The following CA10 variants were observed in gnomAD, a reference collection of about 807,000 sequenced individuals.
CA10 encodes carbonic anhydrase-related protein 10.
CA10 carries 14 observed loss-of-function variants against 44.2 expected under a neutral mutation model. That is an observed-to-expected ratio of 0.32 (90% CI 0.21 to 0.50). CA10 has a LOEUF of 0.50. CA10 is among the 20% of genes least tolerant of loss of function. The pLI, the probability that CA10 is intolerant of heterozygous loss-of-function variation, is 0.99. For missense variants in CA10, 350 were observed against 409.7 expected (o/e 0.85, Z 1.26); for synonymous variants, 159 against 141.6 (o/e 1.12, Z -0.87).
intron 1 of CA10, among the ~76,000 whole-genome samples, chr17:52,150,700 T>A (rs1174533249): frequency 1.3e-5 from 2 of 152,198 alleles, no homozygotes; most frequent in Non-Finnish European, 2.9e-5. Flanking sequence ...TTTGTAGTAC[T>A]TTGAGCATCT....
intron 3 of CA10, among the ~76,000 whole-genome samples, chr17:51,753,405 T>C (rs1904958612): frequency 6.6e-6 from 1 of 152,222 alleles, no homozygotes; most frequent in Non-Finnish European, 1.5e-5. Context: ...CTCTAATAAA[T>C]GGGGTCATCT....
chr17:52,021,516 C>T (rs1986138821), intron 2 of CA10, among the ~76,000 whole-genome samples: 1 of 152,066 alleles, frequency 6.6e-6, no homozygotes, highest in African/African-American at 2.4e-5. Context: ...GAGATGATAT[C>T]TCATTGTAAC....
At chr17:52,004,803 T>C (rs1381546899) in intron 2 of CA10, among the ~76,000 whole-genome samples, 2 of 151,766 alleles carry the variant, frequency 1.3e-5, no homozygotes, top group African/African-American at 2.4e-5. Flanking sequence ...AAACGCAAAA[T>C]GAAAATAAGA....
chr17:51,717,758 C>CAT lies in CA10; in HGVS notation c.465+29874_465+29875insAT, dbSNP rs1461861805. The stretch of plus-strand genomic sequence containing the variant: ...ATACGTATATATACATGTATATATA[C>CAT]GTATATATGTATACATATATGCATG... On this transcript the variant is annotated intron_variant, in intron 4 of 8. Transcript: ENST00000451037. Among the ~76,000 whole-genome samples the CAT allele has an allele frequency of 1.4e-3, 26 of 18,418 alleles. 4 individuals are homozygous for CAT. The highest frequency in any genetic ancestry group is 3.2e-3 in the African/African-American group (16 of 4,940). 12.1% of individuals were successfully genotyped at this position (18,418 alleles called of 152,430 possible). A position where few individuals can be genotyped will look rare whatever the true frequency, so the allele number is the denominator to read the frequency against.
At chr17:51,718,153 C>G (rs1916232410) in intron 4 of CA10, among the ~76,000 whole-genome samples, 1 of 151,030 alleles carries the variant, frequency 6.6e-6, no homozygotes, top group South Asian at 2.1e-4. Context: ...CAAAATCTCA[C>G]AAATCACCAC....
intron 2 of CA10, among the ~76,000 whole-genome samples, chr17:52,017,427 A>G (rs1986002948): frequency 6.6e-6 from 1 of 152,136 alleles, no homozygotes; most frequent in Non-Finnish European, 1.5e-5. Context: ...GATCTGGAAT[A>G]AAGTTTACCC....
At chr17:51,678,155 T>C (rs1649428602) in intron 4 of CA10, among the ~76,000 whole-genome samples, 1 of 152,132 alleles carries the variant, frequency 6.6e-6, no homozygotes, top group Admixed American at 6.6e-5. Flanking sequence ...TATTGTATAA[T>C]AATATGTAAA....
chr17:51,679,110 A>G (rs977448585), intron 4 of CA10, among the ~76,000 whole-genome samples: 1 of 152,200 alleles, frequency 6.6e-6, no homozygotes, highest in Non-Finnish European at 1.5e-5. Flanking sequence ...GGACACAAAC[A>G]AGTATACAGT....
chr17:52,142,210 A>G (rs776641392), intron 1 of CA10, among the ~76,000 whole-genome samples: 7 of 152,228 alleles, frequency 4.6e-5, no homozygotes, highest in Admixed American at 3.3e-4. Context: ...TCTATGGCAC[A>G]TCATGGAAGA....
intron 4 of CA10, among the ~76,000 whole-genome samples, chr17:51,687,210 T>C (rs1243108018): frequency 6.6e-6 from 1 of 152,204 alleles, no homozygotes; most frequent in Non-Finnish European, 1.5e-5. Context: ...TTTTGCACCA[T>C]TTCATTTGTG....
At chr17:52,079,445 C>T (rs974656054) in intron 1 of CA10, among the ~76,000 whole-genome samples, 1 of 142,760 alleles carries the variant, frequency 7.0e-6, no homozygotes, top group East Asian at 2.0e-4. Flanking sequence ...GGGGACAGAG[C>T]GAGACTCCGT....
chr17:51,670,936 T>C (rs188997453), intron 4 of CA10, among the ~76,000 whole-genome samples: 44 of 152,306 alleles, frequency 2.9e-4, no homozygotes, highest in African/African-American at 1.1e-3. Flanking sequence ...CTAAGTTATC[T>C]GGCCTCTAAT....
intron 2 of CA10, among the ~76,000 whole-genome samples, chr17:52,018,456 T>C (rs1252276955): frequency 6.6e-6 from 1 of 152,138 alleles, no homozygotes; most frequent in Non-Finnish European, 1.5e-5. Context: ...AAGGAGATTA[T>C]GGTGGAGATT....
rs1360179412 is a variant in CA10, at chr17:52,108,179, TTATATATATATTTTTTATATA to T, written c.62-35807_62-35787del. ...GTATATATATATTTTTAATATATTT[TTATATATATATTTTTTATATA>T]TATATATATATATATATATATATAT... On this transcript the variant is annotated intron_variant, in intron 1 of 8. Coordinates refer to ENST00000451037, the MANE Select transcript of CA10 (RefSeq NM_020178.5). Among the ~76,000 whole-genome samples the T allele has an allele frequency of 2.2e-5, 3 of 134,880 alleles. No homozygotes were observed. In the South Asian group the frequency reaches 6.7e-4, roughly 30 times the overall value. 88.5% of individuals were successfully genotyped at this position (134,880 alleles called of 152,430 possible). A position where few individuals can be genotyped will look rare whatever the true frequency, so the allele number is the denominator to read the frequency against.
intron 1 of CA10, among the ~76,000 whole-genome samples, chr17:52,121,445 G>A (rs948638167): frequency 6.6e-6 from 1 of 152,118 alleles, no homozygotes; most frequent in African/African-American, 2.4e-5. Context: ...GCAAACTAAA[G>A]CCTAATACTT....
At chr17:52,066,307 T>A (rs1239332675) in intron 2 of CA10, among the ~76,000 whole-genome samples, 9 of 152,158 alleles carry the variant, frequency 5.9e-5, no homozygotes, top group Non-Finnish European at 1.3e-4. Flanking sequence ...TGAATGGCTT[T>A]GATCAAAATA....
chr17:51,964,640 T>C (rs867791574), intron 2 of CA10, among the ~76,000 whole-genome samples: 9 of 151,164 alleles, frequency 6.0e-5, no homozygotes, highest in African/African-American at 2.2e-4. Flanking sequence ...CATGGAAATA[T>C]AACAACTTGC....
intron 3 of CA10, among the ~76,000 whole-genome samples, chr17:51,839,990 TA>T (rs1567857485): frequency 6.6e-6 from 1 of 152,210 alleles, no homozygotes; most frequent in East Asian, 1.9e-4. Flanking sequence ...CTTTTACAGA[TA>T]AAAACTCGGG....
chr17:51,674,622 T>C (rs1914548356), intron 4 of CA10, among the ~76,000 whole-genome samples: 1 of 152,240 alleles, frequency 6.6e-6, no homozygotes, highest in Non-Finnish European at 1.5e-5. Context: ...AATTAATCCA[T>C]ACATCTACCT....
Sources: allele counts gnomAD v4.1 joint callset (sites outside exome capture counted in the v4.1 genomes callset), GRCh38; gene constraint gnomAD v4.1.1; transcripts MANE v1.5; gene names NCBI Gene and HGNC (gene_info 2026-07-23, HGNC 2026-07-21).